The following CDS2 variants were observed in gnomAD, a reference collection of about 807,000 sequenced individuals.
The protein encoded by CDS2 is CDP-diacylglycerol synthase 2, also known as phosphatidate cytidylyltransferase 2.
CDS2 carries 47 observed loss-of-function variants against 59.0 expected under a neutral mutation model. The observed-to-expected ratio is 0.80, with a 90% confidence interval of 0.63 to 1.02. The LOEUF (loss-of-function observed/expected upper bound fraction) is 1.02, where lower values mean the gene tolerates loss of function less well. Among genes scored for constraint, CDS2 ranks in the 50% least tolerant of loss-of-function variants. The pLI is 0.00. For missense variants in CDS2, 356 were observed against 558.9 expected (o/e 0.64, Z 3.66); for synonymous variants, 207 against 206.4 (o/e 1.00, Z -0.02).
At chr20:5,175,350 A>G in intron 3 of CDS2, 71 bp downstream of exon 3, 2 of 1,228,782 alleles carry the variant, frequency 1.6e-6, no homozygotes, top group Non-Finnish European at 2.4e-6. Flanking sequence ...CTTAAGTGCG[A>G]GGTGTTGGGT....
intron 1 of CDS2, among the ~76,000 whole-genome samples, chr20:5,160,764 A>T (rs1055121143): frequency 6.6e-6 from 1 of 152,042 alleles, no homozygotes; most frequent in African/African-American, 2.4e-5. Flanking sequence ...TGTCTCTACG[A>T]ATTTGACTAC....
At chr20:5,183,241 C>T (rs2091044108) in intron 7 of CDS2, 98 bp downstream of exon 7, 1 of 962,894 alleles carries the variant, frequency 1.0e-6, no homozygotes, top group Admixed American at 1.9e-5. Context: ...TGAGCCACAT[C>T]AGAATCCTCT....
rs1259850999 is a variant in CDS2 at position 5,193,034 on chromosome 20, A to C, written c.*2800A>C. On this transcript the variant is annotated 3_prime_UTR_variant, in exon 13 of 13. Transcript: ENST00000460006. ...GGAGGCCTGGCCTGAGCCAGGTTGG[A>C]GCTTAAATTGCTGTTGGCTCCTGCC... The C allele has an allele frequency of 1.3e-5, 2 of 152,170 alleles. No homozygotes were observed. Among genetic ancestry groups the C allele is most frequent in the African/African-American group, 4.8e-5 (2 of 41,428 alleles). The allele number at this position is 152,170 out of a possible 1,614,324, so 9.4% of individuals were successfully genotyped here. A position where few individuals can be genotyped will look rare whatever the true frequency, so the allele number is the denominator to read the frequency against.
At chr20:5,180,823 G>A (rs539775962) in intron 5 of CDS2, among the ~76,000 whole-genome samples, 1 of 152,142 alleles carries the variant, frequency 6.6e-6, no homozygotes, top group Admixed American at 6.5e-5. Context: ...GGTTGCAGAG[G>A]GACGAAGATC....
intron 5 of CDS2, among the ~76,000 whole-genome samples, chr20:5,180,846 C>T (rs188456784): frequency 6.6e-6 from 1 of 152,144 alleles, no homozygotes; most frequent in Non-Finnish European, 1.5e-5. Flanking sequence ...TCCTCTGTAA[C>T]TTCTTCAGGC....
chr20:5,175,040 C>T (rs2090984333), intron 2 of CDS2, 143 bp from the exon 3 acceptor site: 5 of 647,466 alleles, frequency 7.7e-6, no homozygotes, highest in Non-Finnish European at 1.4e-5. Flanking sequence ...CAGCATGTGG[C>T]TGGTGCCTCC....
intron 1 of CDS2, among the ~76,000 whole-genome samples, chr20:5,169,899 G>A (rs904494143): frequency 1.3e-5 from 2 of 152,122 alleles, no homozygotes; most frequent in African/African-American, 4.8e-5. Context: ...ATTAGCACTT[G>A]GCCCCAGCAA....
chr20:5,168,387 C>T (rs902811830), intron 1 of CDS2, among the ~76,000 whole-genome samples: 4 of 147,826 alleles, frequency 2.7e-5, no homozygotes, highest in Non-Finnish European at 5.9e-5. Context: ...TGCACTCCAG[C>T]CTGGATGACA....
chr20:5,143,461 T>C (rs1002885196), intron 1 of CDS2, among the ~76,000 whole-genome samples: 3 of 152,176 alleles, frequency 2.0e-5, no homozygotes, highest in Non-Finnish European at 2.9e-5. Flanking sequence ...AATCTGTACA[T>C]GTATTCACTG....
At position 5,184,879 on chromosome 20, in the gene CDS2, T is replaced by C. The variant is rs201506899; in HGVS notation, c.693T>C (p.Cys231=). The change falls in exon 8 of 13, where the codon TGT becomes TGC. Residue 231 remains cysteine, a synonymous_variant. Transcript: ENST00000460006. The surrounding 1 kb of genome is among the most constrained non-coding windows in gnomAD (Gnocchi z 4.3). ...CTAGGTTCATTGTCCCCATATCTTG[T>C]GTGATCTGTAATGACATCATGGCCT... ...GMIWFIVPIS[C]VICNDIMAYM... 1.2e-6 allele frequency: 2 copies of C among 1,614,002 alleles called. No individual in the cohort carries two copies. The highest frequency in any genetic ancestry group is 2.2e-5 in the East Asian group (1 of 44,878).
intron 1 of CDS2, among the ~76,000 whole-genome samples, chr20:5,132,947 C>T (rs1450875240): frequency 2.0e-5 from 3 of 151,116 alleles, no homozygotes; most frequent in Non-Finnish European, 4.4e-5. Context: ...CTGAGGCGGG[C>T]GGATCACGAG....
chr20:5,136,932 C>T (rs1448427649), intron 1 of CDS2, among the ~76,000 whole-genome samples: 2 of 152,102 alleles, frequency 1.3e-5, no homozygotes, highest in Non-Finnish European at 2.9e-5. Context: ...TTTCAATCCT[C>T]ACCAGCCTCC....
intron 1 of CDS2, among the ~76,000 whole-genome samples, chr20:5,143,767 CTT>C (rs373867800): frequency 2.0e-5 from 2 of 102,508 alleles, no homozygotes; most frequent in Non-Finnish European, 4.0e-5. Context: ...TCTTCTTCTT[CTT>C]TTTTTTTTTT....
rs2090560544 is a variant in CDS2, at chr20:5,127,209, G to A, written c.57+60G>A. The A allele has an allele frequency of 5.1e-6, 7 of 1,381,166 alleles. No individual in the cohort carries two copies. The South Asian group carries it at 9.6e-5, about 19-fold the overall frequency. The allele number at this position is 1,381,166 out of a possible 1,614,324, so 85.6% of individuals were successfully genotyped here. A position where few individuals can be genotyped will look rare whatever the true frequency, so the allele number is the denominator to read the frequency against. Reference sequence around the variant, plus strand: ...AGCGGCGCATCCGGGAGGCCTGCGGGGGACGCGCGCAGAGGGGTCGTCTTG... The same window carrying A: ...AGCGGCGCATCCGGGAGGCCTGCGGAGGACGCGCGCAGAGGGGTCGTCTTG... On this transcript the variant is annotated intron_variant, in intron 1 of 12. Coordinates refer to ENST00000460006, the MANE Select transcript of CDS2 (RefSeq NM_003818.4).
chr20:5,136,219 A>G (rs2090648746), intron 1 of CDS2, among the ~76,000 whole-genome samples: 1 of 152,150 alleles, frequency 6.6e-6, no homozygotes. Flanking sequence ...TCCTAGGTGC[A>G]TGCCCTTCAG....
chr20:5,149,967 G>A (rs898986432), intron 1 of CDS2, among the ~76,000 whole-genome samples: 3 of 151,970 alleles, frequency 2.0e-5, no homozygotes, highest in Non-Finnish European at 4.4e-5. Flanking sequence ...CACCCACTTC[G>A]GCCTCCCAAA....
At position 5,193,900 on chromosome 20, in the gene CDS2, C is replaced by T. The variant is rs1182697526; in HGVS notation, c.*3666C>T. On this transcript the variant is annotated 3_prime_UTR_variant, in exon 13 of 13. Coordinates refer to ENST00000460006, the MANE Select transcript of CDS2 (RefSeq NM_003818.4). Reference sequence around the variant, plus strand: ...TCTTTTGTCTTCCAGAGTAACATATCTGGGCCCACCTTTCTTGCACACTGT... The same window carrying T: ...TCTTTTGTCTTCCAGAGTAACATATTTGGGCCCACCTTTCTTGCACACTGT... 6.6e-6 allele frequency: 1 copy of T among 152,172 alleles called. No homozygotes were observed. The highest frequency in any genetic ancestry group is 1.5e-5 in the Non-Finnish European group (1 of 68,028). The allele number at this position is 152,172 out of a possible 1,614,324, so 9.4% of individuals were successfully genotyped here. A position where few individuals can be genotyped will look rare whatever the true frequency, so the allele number is the denominator to read the frequency against.
At chr20:5,168,624 A>G (rs1438929459) in intron 1 of CDS2, 1 of 518,538 alleles carries the variant, frequency 1.9e-6, no homozygotes, top group African/African-American at 1.9e-5. Context: ...GGCCCCTGGC[A>G]CCAAGTGAAG....
chr20:5,130,609 C>A (rs1320968511), intron 1 of CDS2, among the ~76,000 whole-genome samples: 2 of 150,574 alleles, frequency 1.3e-5, no homozygotes, highest in African/African-American at 4.9e-5. Context: ...TTAGTAGAAA[C>A]CCCGTCTCTA....
Sources: allele counts gnomAD v4.1 joint callset (sites outside exome capture counted in the v4.1 genomes callset), GRCh38; gene constraint gnomAD v4.1.1; non-coding constraint Gnocchi (gnomAD v3.1); transcripts MANE v1.5; gene names NCBI Gene and HGNC (gene_info 2026-07-23, HGNC 2026-07-21).